The following TMEM165 variants were observed in gnomAD, a reference collection of about 807,000 sequenced individuals.
The protein encoded by TMEM165 is putative divalent cation/proton antiporter TMEM165.
TMEM165 carries 19 observed loss-of-function variants against 30.0 expected under a neutral mutation model. That is an observed-to-expected ratio of 0.63 (90% CI 0.44 to 0.93). TMEM165 has a LOEUF of 0.93. TMEM165 is among the 40% of genes least tolerant of loss of function. The probability of loss-of-function intolerance (pLI) is 0.00; values close to 1 mark genes in which losing one functional copy is unlikely to be tolerated. For missense variants in TMEM165, 340 were observed against 417.0 expected, an observed-to-expected ratio of 0.82 and a Z score of 1.61; for synonymous variants, 168 against 162.9, an observed-to-expected ratio of 1.03 and a Z score of -0.24.
chr4:55,415,666 T>C (rs1721692363), intron 2 of TMEM165: 1 of 152,120 alleles, frequency 6.6e-6, no homozygotes, highest in African/African-American at 2.4e-5. Flanking sequence ...ACACACACAA[T>C]AATTTAAATA....
chr4:55,408,922 CTT>C (rs35089311), intron 1 of TMEM165, among the ~76,000 whole-genome samples: 5 of 142,774 alleles, frequency 3.5e-5, no homozygotes, highest in African/African-American at 5.2e-5. Flanking sequence ...TTGAAATGCC[CTT>C]TTTTTTTTTT....
chr4:55,417,109 CT>C lies in TMEM165; in HGVS notation c.472del (p.Tyr158IlefsTer22). On this transcript the variant is annotated frameshift_variant, in exon 3 of 6. Transcript: ENST00000381334. LOFTEE classifies it high-confidence loss of function. Reference protein sequence around the residue: ...GYATTVIPRVYTYYVSTVLFA... With the variant: ...GYATTVIPRVXTYYVSTVLFA... ...ATGCCACCACAGTCATCCCCAGGGT[CT>C]ATACATACTATGTTTCAACTGTATT... 6.2e-7 allele frequency: 1 copy of C among 1,613,298 alleles called. No homozygotes were observed. Among genetic ancestry groups the C allele is most frequent in the Non-Finnish European group, 8.5e-7 (1 of 1,179,720 alleles).
chr4:55,410,694 C>T (rs770291489), intron 1 of TMEM165, among the ~76,000 whole-genome samples: 2 of 152,202 alleles, frequency 1.3e-5, no homozygotes, highest in Non-Finnish European at 2.9e-5. Flanking sequence ...TTACTCTGTC[C>T]TTCAGAGTGT....
intron 4 of TMEM165, chr4:55,424,240 T>C (rs1722106580): frequency 2.8e-6 from 1 of 360,922 alleles, no homozygotes; most frequent in Non-Finnish European, 5.0e-6. Context: ...ACGTATTGCC[T>C]GTGAAGGAAG....
chr4:55,420,106 A>AAAAAAAAAAAAATATATATAT (rs1474254120), intron 4 of TMEM165, among the ~76,000 whole-genome samples: 1 of 45,438 alleles, frequency 2.2e-5, no homozygotes, highest in Non-Finnish European at 4.1e-5. Flanking sequence ...AAGAAAAAAA[A>AAAAAAAAAAAAATATATATAT]ATATATATAT....
chr4:55,404,771 C>G (rs1316020767), intron 1 of TMEM165, among the ~76,000 whole-genome samples: 1 of 152,174 alleles, frequency 6.6e-6, no homozygotes, highest in Admixed American at 6.5e-5. Flanking sequence ...TAGCAAATTG[C>G]TAAATCCAGG....
chr4:55,411,741 A>C lies in TMEM165; in HGVS notation c.335A>C (p.Lys112Thr). The C allele has an allele frequency of 6.2e-7, 1 of 1,614,176 alleles. No homozygotes were observed. The change falls in exon 2 of 6, where the codon AAG becomes ACG. Residue 112 changes from lysine to threonine, a missense_variant. By Grantham distance (78) the Lys-to-Thr change is moderately conservative (BLOSUM62 -1). Transcript: ENST00000381334. ...SVIIVSELGD[K>T]TFFIAAIMAM... ...ATTATTGTATCTGAATTGGGTGATA[A>C]GACATTTTTTATAGCAGCCATCATG...
At chr4:55,424,996 T>A (rs1027563584) in intron 5 of TMEM165, among the ~76,000 whole-genome samples, 5 of 152,206 alleles carry the variant, frequency 3.3e-5, no homozygotes, top group Non-Finnish European at 7.3e-5. Context: ...GCTGAATATG[T>A]CCTGTGAAGC....
intron 1 of TMEM165, among the ~76,000 whole-genome samples, chr4:55,397,903 T>A (rs1720796806): frequency 1.0e-5 from 1 of 100,260 alleles, no homozygotes; most frequent in Non-Finnish European, 2.2e-5. Context: ...CCGGCTAATT[T>A]TTGTTTATTT....
At chr4:55,420,122 C>G (rs864222) in intron 4 of TMEM165, among the ~76,000 whole-genome samples, 1 of 56,796 alleles carries the variant, frequency 1.8e-5, no homozygotes, top group East Asian at 1.8e-3. Flanking sequence ...TATATATATA[C>G]ATATATATTT....
chr4:55,434,870 T>A (rs1722757168), intron 3 of TMEM165: 1 of 150,286 alleles, frequency 6.7e-6, no homozygotes, highest in African/African-American at 2.5e-5. Flanking sequence ...TTTTACATCA[T>A]CTGTACATAG....
intron 4 of TMEM165, among the ~76,000 whole-genome samples, chr4:55,422,666 T>G (rs757428312): frequency 6.6e-6 from 1 of 152,058 alleles, no homozygotes; most frequent in East Asian, 1.9e-4. Flanking sequence ...ATTTTTTTTT[T>G]GAGATGGAGT....
chr4:55,411,690 A>G lies in TMEM165; in HGVS notation c.284A>G (p.His95Arg), dbSNP rs1721504791. The part of the protein sequence containing the change: ...PATQTNLGFI[H>R]AFVAAISVII... ...ACCCAAACTAATTTGGGATTTATCC[A>G]TGCATTTGTCGCTGCCATATCAGTT... The change falls in exon 2 of 6, where the codon CAT becomes CGT. Residue 95 changes from histidine (H) to arginine (R), a missense_variant. This residue lies in a region of TMEM165 where 220 missense variants were observed against 307.6 expected (regional missense o/e 0.72). Coordinates refer to ENST00000381334, the MANE Select transcript of TMEM165 (RefSeq NM_018475.5). 3 of 1,614,092 alleles carry G rather than the reference A, an allele frequency of 1.9e-6. No individual in the cohort carries two copies. Among genetic ancestry groups the G allele is most frequent in the African/African-American group, 2.7e-5 (2 of 74,920 alleles).
Position 55,411,849 on chromosome 4 carries a change from C to T in TMEM165, c.433+10C>T. On this transcript the variant is annotated intron_variant, in intron 2 of 5. Coordinates refer to ENST00000381334, the MANE Select transcript of TMEM165 (RefSeq NM_018475.5). ...ATGACATGCTTGTCAGGTGAGTGTG[C>T]TTTTCCCTCTCATGAGTTCGCTGAA... 1 of 1,613,102 alleles carries T rather than the reference C, an allele frequency of 6.2e-7. No homozygotes were observed. The highest frequency in any genetic ancestry group is 8.5e-7 in the Non-Finnish European group (1 of 1,179,122).
chr4:55,445,579 A>ATTT (rs1191320465), intron 3 of TMEM165, among the ~76,000 whole-genome samples: 2 of 65,518 alleles, frequency 3.1e-5, no homozygotes, highest in African/African-American at 5.3e-5. Flanking sequence ...CTATTTCTAT[A>ATTT]TTCTTTTTTT....
intron 3 of TMEM165, among the ~76,000 whole-genome samples, chr4:55,448,603 TGTGTGTGTG>T (rs1724134175): frequency 3.6e-5 from 1 of 27,922 alleles, no homozygotes; most frequent in Admixed American, 4.0e-4. Flanking sequence ...CACGCGCGCG[TGTGTGTGTG>T]TGTGTGTGTG....
chr4:55,439,797 T>TA (rs577368958), intron 3 of TMEM165, among the ~76,000 whole-genome samples: 49 of 152,260 alleles, frequency 3.2e-4, no homozygotes, highest in Middle Eastern at 3.4e-3. Context: ...ATGAGGTACT[T>TA]AGACTAGTCC....
intron 1 of TMEM165, among the ~76,000 whole-genome samples, chr4:55,407,020 C>A (rs998093254): frequency 6.6e-6 from 1 of 152,130 alleles, no homozygotes; most frequent in South Asian, 2.1e-4. Context: ...ATTTGTAATC[C>A]GAAAAGGTCA....
chr4:55,436,680 G>GT (rs1722898724), intron 3 of TMEM165, among the ~76,000 whole-genome samples: 1 of 152,058 alleles, frequency 6.6e-6, no homozygotes, highest in Non-Finnish European at 1.5e-5. Flanking sequence ...GATCTTCAGA[G>GT]TTTTCTTTCT....
Sources: gnomAD v4.1 joint callset for allele counts (sites outside exome capture counted in the v4.1 genomes callset) on GRCh38, gnomAD v4.1.1 for gene constraint, gnomAD v4.1.1 regional missense constraint, MANE v1.5 for transcripts, NCBI Gene and HGNC (gene_info 2026-07-23, HGNC 2026-07-21) for gene names.